USP7: variants seen among roughly 807,000 people sequenced by gnomAD.
USP7 encodes the protein ubiquitin specific peptidase 7.
In USP7, 9 loss-of-function variants were observed where a neutral mutation model predicts 162.9. The ratio of observed to expected loss-of-function variants is 0.06; its 90% CI spans 0.03 to 0.10. The LOEUF is 0.10. Among genes scored for constraint, USP7 ranks in the 10% least tolerant of loss-of-function variants. USP7 has a pLI of 1.00. For synonymous variants in USP7, 562 were observed against 475.9 expected, an observed-to-expected ratio of 1.18 and a Z score of -2.35; for missense variants, 715 against 1,373.7, an observed-to-expected ratio of 0.52 and a Z score of 7.58.
chr16:8,953,281 T>C (rs575206405), intron 1 of USP7, among the ~76,000 whole-genome samples: 37 of 152,152 alleles, frequency 2.4e-4, no homozygotes, highest in African/African-American at 8.4e-4. Context: ...CAGGGCTCCT[T>C]CACTTTCTGA....
chr16:8,919,509 A>G (rs1467581288), intron 5 of USP7, among the ~76,000 whole-genome samples: 1 of 152,114 alleles, frequency 6.6e-6, no homozygotes, highest in African/African-American at 2.4e-5. Flanking sequence ...ACGTGGAAAA[A>G]GCTGAAACTC....
chr16:8,897,224 C>T, intron 25 of USP7, 125 bp from the exon 26 acceptor site: 2 of 720,244 alleles, frequency 2.8e-6, no homozygotes, highest in African/African-American at 1.8e-5. Flanking sequence ...CATGTTCTTG[C>T]TCTCATTCCC....
chr16:8,921,860 T>C (rs1412261776), intron 3 of USP7, among the ~76,000 whole-genome samples: 1 of 152,188 alleles, frequency 6.6e-6, no homozygotes, highest in Non-Finnish European at 1.5e-5. Context: ...TCAAAAACCA[T>C]ACATACAGCA....
intron 25 of USP7, among the ~76,000 whole-genome samples, chr16:8,897,720 A>ATTTAT (rs1188020291): frequency 4.4e-5 from 1 of 22,482 alleles, no homozygotes; most frequent in African/African-American, 1.5e-4. Flanking sequence ...AAAAAAAAAA[A>ATTTAT]AAAAAAATAT....
chr16:8,897,987 GA>G (rs750525128), intron 25 of USP7, among the ~76,000 whole-genome samples: 10 of 152,026 alleles, frequency 6.6e-5, no homozygotes, highest in Non-Finnish European at 1.3e-4. Context: ...GCAGCTTGGG[GA>G]GTAAGCGCAG....
chr16:8,951,517 T>C (rs1316120480), intron 1 of USP7, among the ~76,000 whole-genome samples: 3 of 152,042 alleles, frequency 2.0e-5, no homozygotes, highest in African/African-American at 7.2e-5. Context: ...TCTGCAGGCT[T>C]GGAGAGAGCC....
chr16:8,924,181 A>G (rs1428152352), intron 2 of USP7, among the ~76,000 whole-genome samples: 1 of 152,228 alleles, frequency 6.6e-6, no homozygotes, highest in Admixed American at 6.5e-5. Context: ...GACAGTGACT[A>G]TTCATTTGCA....
intron 18 of USP7, 89 bp downstream of exon 18, chr16:8,901,993 A>G: frequency 9.4e-7 from 1 of 1,066,874 alleles, no homozygotes; most frequent in Non-Finnish European, 1.4e-6. Context: ...CTGCAAGGGA[A>G]GAAGGCTTAA....
chr16:8,959,818 C>A (rs1013455020), intron 1 of USP7, among the ~76,000 whole-genome samples: 2 of 151,990 alleles, frequency 1.3e-5, no homozygotes, highest in African/African-American at 2.4e-5. Flanking sequence ...CCACCACCCC[C>A]GTAACAAAAA....
chr16:8,901,295 C>CA (rs545251662), intron 18 of USP7, 61 bp from the exon 19 acceptor site: 15 of 1,008,560 alleles, frequency 1.5e-5, no homozygotes, highest in East Asian at 5.0e-5. Flanking sequence ...GCTTAAAAAA[C>CA]AAAAAAACAA....
At chr16:8,962,627 C>T (rs974038586) in intron 1 of USP7, 1 of 299,202 alleles carries the variant, frequency 3.3e-6, no homozygotes, top group East Asian at 8.8e-5. Flanking sequence ...ACCAACAGCG[C>T]CCGGGTCAGA....
In USP7 at chr16:8,953,512, C is replaced by A. The variant is rs533606270; in HGVS notation, c.79+9695G>T. ...TTGGGGAGAAGACACGTGCCCCATG[C>A]GGTGCCACTGGAAGCAGAGGGAAGA... On this transcript the variant is annotated intron_variant, in intron 1 of 30. Transcript: ENST00000344836. Among the ~76,000 whole-genome samples the A allele has an allele frequency of 2.8e-4, 42 of 151,072 alleles. 1 individual carries two copies. Among genetic ancestry groups the A allele is most frequent in the Admixed American group, 3.3e-4 (5 of 15,126 alleles).
chr16:8,893,138 C>CT lies in USP7; in HGVS notation c.*859dup, dbSNP rs1442767999. 2 of 151,706 alleles carry CT rather than the reference C, an allele frequency of 1.3e-5. No homozygotes were observed. 9.4% of individuals were successfully genotyped at this position (151,706 alleles called of 1,614,324 possible). A position where few individuals can be genotyped will look rare whatever the true frequency, so the allele number is the denominator to read the frequency against. ...TTTTTCCTTTTTTTTTCATTTTTAA[C>CT]TTTTTTACAAAGTCGACAGCTTACT... On this transcript the variant is annotated 3_prime_UTR_variant, in exon 31 of 31. Coordinates refer to ENST00000344836, the MANE Select transcript of USP7 (RefSeq NM_003470.3).
chr16:8,960,724 C>T (rs1295363306), intron 1 of USP7, among the ~76,000 whole-genome samples: 2 of 152,222 alleles, frequency 1.3e-5, no homozygotes, highest in African/African-American at 4.8e-5. Context: ...CCACTAAATT[C>T]CAGCCTTCTG....
intron 16 of USP7, among the ~76,000 whole-genome samples, chr16:8,903,009 G>C (rs1029617269): frequency 3.9e-5 from 6 of 152,216 alleles, no homozygotes; most frequent in African/African-American, 7.2e-5. Context: ...TAGGGGTGCA[G>C]GGAGTGGAGT....
intron 1 of USP7, among the ~76,000 whole-genome samples, chr16:8,945,353 C>T (rs1165305317): frequency 1.3e-5 from 2 of 152,200 alleles, no homozygotes; most frequent in African/African-American, 2.4e-5. Flanking sequence ...CACTGTACTC[C>T]AGCTTGGGCA....
intron 11 of USP7, among the ~76,000 whole-genome samples, 185 bp from the exon 12 acceptor site, chr16:8,908,635 T>A (rs761550770): frequency 3.3e-5 from 5 of 150,660 alleles, no homozygotes; most frequent in South Asian, 2.1e-4. Flanking sequence ...TGGGTCTCTT[T>A]GTTTATTAAA....
rs36064651 is a variant in USP7 at position 8,903,867 on chromosome 16, C to CA, written c.1705-466dup. Among the ~76,000 whole-genome samples the CA allele has an allele frequency of 4.7e-3, 561 of 120,532 alleles. 1 individual carries two copies. The highest frequency in any genetic ancestry group is 0.012 in the South Asian group (45 of 3,834). 79.1% of individuals were successfully genotyped at this position (120,532 alleles called of 152,430 possible). A position where few individuals can be genotyped will look rare whatever the true frequency, so the allele number is the denominator to read the frequency against. On this transcript the variant is annotated intron_variant, in intron 15 of 30. Transcript: ENST00000344836. ...GGGCAACAAGAGTGAAACTCTGTCT[C>CA]AAAAAAAAAAAAAAAGGAAAAGAAA...
At chr16:8,912,877 G>T (rs940031086) in intron 10 of USP7, among the ~76,000 whole-genome samples, 4 of 152,038 alleles carry the variant, frequency 2.6e-5, no homozygotes, top group South Asian at 2.1e-4. Context: ...GTTTGAAAAT[G>T]AAACACCATG....
Sources: gnomAD v4.1 joint callset for allele counts (sites outside exome capture counted in the v4.1 genomes callset) on GRCh38, gnomAD v4.1.1 for gene constraint, MANE v1.5 for transcripts, NCBI Gene and HGNC (gene_info 2026-07-23, HGNC 2026-07-21) for gene names.